Variants in MAPK10 observed in about 807,000 individuals in gnomAD.
MAPK10 encodes JNK3 alpha protein kinase.
MAPK10 carries 25 observed loss-of-function variants against 59.3 expected under a neutral mutation model. The ratio of observed to expected loss-of-function variants is 0.42; its 90% CI spans 0.31 to 0.59. MAPK10 has a LOEUF of 0.59. MAPK10 is among the 20% of genes least tolerant of loss of function. The pLI is 0.15. For missense variants in MAPK10, 351 were observed against 568.9 expected (o/e 0.62, Z 3.90); for synonymous variants, 190 against 200.5 (o/e 0.95, Z 0.44).
chr4:86,540,244 T>C (rs1021676549), intron 1 of MAPK10, among the ~76,000 whole-genome samples: 3 of 152,254 alleles, frequency 2.0e-5, no homozygotes, highest in Admixed American at 6.5e-5. Flanking sequence ...CTCACACCTA[T>C]AATCCTAGCA....
intron 1 of MAPK10, among the ~76,000 whole-genome samples, chr4:86,429,308 T>C (rs1747723711): frequency 6.6e-6 from 1 of 152,148 alleles, no homozygotes; most frequent in African/African-American, 2.4e-5. Context: ...AATTCTTATC[T>C]GCCTTGCAGA....
At chr4:86,580,360 A>C (rs1417284671) in intron 1 of MAPK10, among the ~76,000 whole-genome samples, 2 of 151,946 alleles carry the variant, frequency 1.3e-5, no homozygotes, top group Non-Finnish European at 2.9e-5. Context: ...TTAGCCGGGC[A>C]TGGTGGCGTA....
At chr4:86,029,092 C>G (rs1408664796) in intron 13 of MAPK10, 105 bp downstream of exon 13, 3 of 788,152 alleles carry the variant, frequency 3.8e-6, no homozygotes, top group Non-Finnish European at 6.9e-6. Context: ...TGATATTTGT[C>G]CATCTGCTCT....
upstream of MAPK10, among the ~76,000 whole-genome samples, chr4:86,455,643 C>T (rs1287401753): frequency 6.6e-6 from 1 of 152,066 alleles, no homozygotes; most frequent in Non-Finnish European, 1.5e-5. Context: ...CACTAGAGCT[C>T]CCAAATTTAT....
At chr4:86,443,011 G>C (rs183909203) in intron 1 of MAPK10, among the ~76,000 whole-genome samples, 281 of 152,240 alleles carry the variant, frequency 1.8e-3, no homozygotes, top group Middle Eastern at 3.4e-3. Context: ...CTGCCCTGAA[G>C]AGACAGACAG....
chr4:86,302,263 A>G (rs1244737587), intron 2 of MAPK10, among the ~76,000 whole-genome samples: 12 of 152,242 alleles, frequency 7.9e-5, no homozygotes, highest in Non-Finnish European at 7.3e-5. Context: ...AATGTAACCA[A>G]TTACATATAG....
chr4:86,030,349 G>A (rs2148916074), intron 12 of MAPK10, among the ~76,000 whole-genome samples: 2 of 151,960 alleles, frequency 1.3e-5, no homozygotes, highest in African/African-American at 4.8e-5. Flanking sequence ...TATATAGAGA[G>A]AGGCAGAGAC....
chr4:86,383,017 ATTGAG>A (rs1253880678), intron 1 of MAPK10, among the ~76,000 whole-genome samples: 1 of 152,190 alleles, frequency 6.6e-6, no homozygotes, highest in African/African-American at 2.4e-5. Flanking sequence ...CAAATAGTAA[ATTGAG>A]TTAAGAATTT....
At chr4:86,019,755 G>A (rs547456515) in intron 13 of MAPK10, among the ~76,000 whole-genome samples, 52 of 152,242 alleles carry the variant, frequency 3.4e-4, no homozygotes, top group African/African-American at 1.1e-3. Context: ...CTGGACACAG[G>A]ACTCTATTAT....
In MAPK10 at chr4:86,023,842, TATATATATAA is replaced by T. The variant is rs1387151039; in HGVS notation, c.1252+5345_1252+5354del. 203 of 133,134 alleles carry T rather than the reference TATATATATAA, an allele frequency of 1.5e-3. 3 individuals carry two copies. Among genetic ancestry groups the T allele is most frequent in the African/African-American group, 6.2e-3 (197 of 31,548 alleles). The allele number at this position is 133,134 out of a possible 1,614,324, so 8.2% of individuals were successfully genotyped here. A position where few individuals can be genotyped will look rare whatever the true frequency, so the allele number is the denominator to read the frequency against. ...ATATATATATATATATATATATATA[TATATATATAA>T]AATGAATGTTGTAATTAACTAGAAA... On this transcript the variant is annotated intron_variant, in intron 13 of 13. Coordinates refer to ENST00000641462, the MANE Select transcript of MAPK10 (RefSeq NM_138982.4).
chr4:86,280,619 G>A (rs771663763), intron 2 of MAPK10, among the ~76,000 whole-genome samples: 16 of 151,960 alleles, frequency 1.1e-4, no homozygotes, highest in African/African-American at 3.6e-4. Context: ...AAAATAAATC[G>A]TTCTACCAAA....
intron 2 of MAPK10, among the ~76,000 whole-genome samples, chr4:86,293,328 G>A (rs2095276450): frequency 6.6e-6 from 1 of 152,168 alleles, no homozygotes; most frequent in Non-Finnish European, 1.5e-5. Context: ...TAATAATTAT[G>A]AAAAGGAAGA....
At chr4:86,180,821 G>A (rs1374016461) in intron 3 of MAPK10, among the ~76,000 whole-genome samples, 1 of 152,026 alleles carries the variant, frequency 6.6e-6, no homozygotes, top group Non-Finnish European at 1.5e-5. Flanking sequence ...GAAATAAAAA[G>A]TAGAACAGAG....
chr4:86,131,397 T>C (rs983926099), intron 4 of MAPK10, among the ~76,000 whole-genome samples: 5 of 152,136 alleles, frequency 3.3e-5, no homozygotes, highest in African/African-American at 1.2e-4. Flanking sequence ...GAGGATTTAA[T>C]AAAACCCAAA....
rs367928853 is a variant in MAPK10, at chr4:86,207,622, G to A, written c.-6-13215C>T. Among the ~76,000 whole-genome samples the A allele has an allele frequency of 4.6e-5, 7 of 152,142 alleles. No homozygotes were observed. The South Asian group carries it at 1.2e-3, about 27-fold the overall frequency. ...GCTTGATGGGGATGGCATTGAATCT[G>A]TAAATTACCTTGGGCAGTGTGGCCA... On this transcript the variant is annotated intron_variant, in intron 2 of 13. Transcript: ENST00000641462.
chr4:86,401,127 G>A (rs918226646), intron 1 of MAPK10, among the ~76,000 whole-genome samples: 2 of 152,028 alleles, frequency 1.3e-5, no homozygotes, highest in Non-Finnish European at 2.9e-5. Flanking sequence ...TATATTGAAA[G>A]CAATGTACTA....
intron 1 of MAPK10, among the ~76,000 whole-genome samples, chr4:86,552,502 AAAGGAAGG>A (rs771664348): frequency 0.073 from 2,402 of 32,748 alleles, 104 homozygotes; most frequent in Middle Eastern, 0.25. Context: ...GGAGGGAAGG[AAAGGAAGG>A]AAGGAAGGAA....
intron 2 of MAPK10, among the ~76,000 whole-genome samples, chr4:86,284,792 G>A (rs929487958): frequency 1.3e-5 from 2 of 152,168 alleles, no homozygotes; most frequent in African/African-American, 4.8e-5. Flanking sequence ...GGTAAGAGTT[G>A]GGTAACAGCA....
chr4:86,309,501 T>C (rs2095629921), intron 2 of MAPK10, among the ~76,000 whole-genome samples: 1 of 152,184 alleles, frequency 6.6e-6, no homozygotes, highest in African/African-American at 2.4e-5. Context: ...GTAATTGCAT[T>C]AAGGAGATGC....
Sources: allele counts gnomAD v4.1 joint callset (sites outside exome capture counted in the v4.1 genomes callset), GRCh38; gene constraint gnomAD v4.1.1; transcripts MANE v1.5; gene names NCBI Gene and HGNC (gene_info 2026-07-23, HGNC 2026-07-21).